Variants in CCDC150 observed in about 807,000 individuals in gnomAD.
The protein encoded by CCDC150 is coiled-coil domain containing 150.
Under a neutral mutation model 156.5 loss-of-function variants are expected in CCDC150, and 151 were observed. The ratio of observed to expected loss-of-function variants is 0.97; its 90% CI spans 0.85 to 1.10. CCDC150 has a LOEUF of 1.10. CCDC150 is among the 50% of genes least tolerant of loss of function. The probability of loss-of-function intolerance (pLI) is 0.00; values close to 1 mark genes in which losing one functional copy is unlikely to be tolerated. For missense variants in CCDC150, 1,312 were observed against 1,268.1 expected (o/e 1.03, Z -0.53); for synonymous variants, 452 against 429.4 (o/e 1.05, Z -0.65).
At chr2:196,646,231 A>G (rs2125567359) in intron 1 of CCDC150, 110 bp from the exon 2 acceptor site, 1 of 973,066 alleles carries the variant, frequency 1.0e-6, no homozygotes, top group East Asian at 2.4e-5. Context: ...ACACATCACC[A>G]TTCCTGAGTT....
rs778661067 is a variant in CCDC150, at chr2:196,719,597, G to T, written c.2096G>T (p.Gly699Val). 1 of 1,613,490 alleles carries T rather than the reference G, an allele frequency of 6.2e-7. No homozygotes were observed. ...NVLASHSKMQGALEKVQIELG... is the reference protein window; with the variant it reads ...NVLASHSKMQVALEKVQIELG... ...CTGGCTTCTCACAGTAAGATGCAAG[G>T]TGCTCTGGAGAAAGTACAAATAGAG... Residue 699 changes from glycine to valine, a missense_variant, in exon 19 of 28, where the codon GGT becomes GTT. Gly to Val is a moderately radical substitution (Grantham distance 109). Transcript: ENST00000389175.
chr2:196,688,784 A>G (rs1433629324), intron 13 of CCDC150, among the ~76,000 whole-genome samples: 1 of 151,378 alleles, frequency 6.6e-6, no homozygotes, highest in Non-Finnish European at 1.5e-5. Flanking sequence ...TTTTGTTGCC[A>G]TTGCTTTTGG....
chr2:196,670,936 A>G (rs988141371), intron 8 of CCDC150, among the ~76,000 whole-genome samples: 2 of 152,160 alleles, frequency 1.3e-5, no homozygotes, highest in South Asian at 4.1e-4. Context: ...TTCTGCCCCT[A>G]TTCATGCATA....
intron 12 of CCDC150, 150 bp from the exon 13 acceptor site, chr2:196,677,141 CAG>C: frequency 1.4e-6 from 1 of 715,202 alleles, no homozygotes; most frequent in South Asian, 1.5e-5. Flanking sequence ...TGCTCTGCCT[CAG>C]AGACTCCCTG....
chr2:196,721,504 C>CA lies in CCDC150; in HGVS notation c.2260-17dup, dbSNP rs1247583543. On this transcript the variant is annotated splice_polypyrimidine_tract_variant and intron_variant, in intron 20 of 27. Coordinates refer to ENST00000389175, the MANE Select transcript of CCDC150 (RefSeq NM_001080539.2). ...CTGTCCATTACAGTGGAATTGAAAA[C>CA]ATGCTTCTCTCTTTCAGATTGAATC... 5.7e-6 allele frequency: 9 copies of CA among 1,579,772 alleles called. No homozygotes were observed. The South Asian group carries it at 1.1e-4, about 19-fold the overall frequency.
At chr2:196,689,664 CT>C (rs1465510510) in intron 13 of CCDC150, among the ~76,000 whole-genome samples, 1 of 151,540 alleles carries the variant, frequency 6.6e-6, no homozygotes, top group Non-Finnish European at 1.5e-5. Context: ...ACGGGGTTTT[CT>C]AGATATACAA....
At chr2:196,695,245 T>C in intron 14 of CCDC150, 86 bp downstream of exon 14, 1 of 638,652 alleles carries the variant, frequency 1.6e-6, no homozygotes, top group East Asian at 2.8e-5. Flanking sequence ...AGATGGGTTT[T>C]CTTTGTGTTT....
chr2:196,666,583 T>C, intron 6 of CCDC150, 136 bp from the exon 7 acceptor site: 1 of 747,290 alleles, frequency 1.3e-6, no homozygotes, highest in Non-Finnish European at 2.2e-6. Context: ...GTTGAGATTT[T>C]AACTGTAACA....
chr2:196,670,534 C>G (rs1694137330), intron 8 of CCDC150, among the ~76,000 whole-genome samples: 1 of 151,422 alleles, frequency 6.6e-6, no homozygotes, highest in Admixed American at 6.6e-5. Context: ...CTTCTCTCAT[C>G]TCAAAGAAAA....
chr2:196,713,066 T>C (rs1354360035), intron 17 of CCDC150: 3 of 484,200 alleles, frequency 6.2e-6, no homozygotes, highest in Non-Finnish European at 1.1e-5. Flanking sequence ...GGAATACTCA[T>C]AGAGTTCTAA....
chr2:196,644,702 C>T (rs756577326), intron 1 of CCDC150, among the ~76,000 whole-genome samples: 3 of 152,094 alleles, frequency 2.0e-5, no homozygotes, highest in Non-Finnish European at 2.9e-5. Context: ...CTTCTTTCAC[C>T]CCATGTCCTT....
At chr2:196,694,964 T>C in intron 13 of CCDC150, 82 bp from the exon 14 acceptor site, 1 of 715,846 alleles carries the variant, frequency 1.4e-6, no homozygotes, top group African/African-American at 1.8e-5. Context: ...CATTTTACAG[T>C]TGTAATTGTC....
intron 14 of CCDC150, among the ~76,000 whole-genome samples, chr2:196,699,463 A>G (rs1696052705): frequency 6.6e-6 from 1 of 151,598 alleles, no homozygotes; most frequent in African/African-American, 2.4e-5. Context: ...AACGTCAAAA[A>G]TGAAAATTCT....
chr2:196,702,268 A>G (rs556021885), intron 15 of CCDC150, among the ~76,000 whole-genome samples: 1 of 151,834 alleles, frequency 6.6e-6, no homozygotes, highest in South Asian at 2.1e-4. Flanking sequence ...ATGAAGGGGG[A>G]AAATTCCCAT....
intron 5 of CCDC150, among the ~76,000 whole-genome samples, chr2:196,662,900 G>T (rs1693636021): frequency 6.6e-6 from 1 of 151,968 alleles, no homozygotes; most frequent in Admixed American, 6.5e-5. Context: ...CTGCACTCCA[G>T]CCTGGGCCAC....
intron 21 of CCDC150, among the ~76,000 whole-genome samples, chr2:196,723,564 A>G (rs1471364966): frequency 6.6e-6 from 1 of 152,194 alleles, no homozygotes; most frequent in Non-Finnish European, 1.5e-5. Flanking sequence ...GGAAAAGTAT[A>G]GAGAGAGAAC....
Position 196,644,490 on chromosome 2 carries a change from C to T in CCDC150, c.13-1851C>T, listed in dbSNP as rs116739062. Among the ~76,000 whole-genome samples, 948 of 152,118 alleles carry T rather than the reference C, an allele frequency of 6.2e-3. 5 individuals are homozygous for T. The highest frequency in any genetic ancestry group is 0.022 in the African/African-American group (894 of 41,492). On this transcript the variant is annotated intron_variant, in intron 1 of 27. Coordinates refer to ENST00000389175, the MANE Select transcript of CCDC150 (RefSeq NM_001080539.2). ...CGACGGGCTTACTCAGAGGCTCTTT[C>T]GTTTACTACTTGAGGAATACTATAC... is the stretch of plus-strand genomic sequence containing the variant.
chr2:196,732,314 C>T, intron 27 of CCDC150, 132 bp from the exon 28 acceptor site: 12 of 1,140,660 alleles, frequency 1.1e-5, no homozygotes, highest in Non-Finnish European at 1.5e-5. Context: ...TACAAAGTTC[C>T]ACCTGTCACA....
rs1366654571 is a variant in CCDC150, at chr2:196,721,509, T to G, written c.2260-13T>G. Reference sequence around the variant, plus strand: ...CATTACAGTGGAATTGAAAACATGCTTCTCTCTTTCAGATTGAATCTCTAC... The same window carrying G: ...CATTACAGTGGAATTGAAAACATGCGTCTCTCTTTCAGATTGAATCTCTAC... On this transcript the variant is annotated splice_polypyrimidine_tract_variant and intron_variant, in intron 20 of 27. Transcript: ENST00000389175. The G allele has an allele frequency of 6.3e-7, 1 of 1,585,718 alleles. No individual in the cohort carries two copies. The highest frequency in any genetic ancestry group is 2.3e-5 in the East Asian group (1 of 44,376).
Sources: gnomAD v4.1 joint callset for allele counts (sites outside exome capture counted in the v4.1 genomes callset) on GRCh38, gnomAD v4.1.1 for gene constraint, MANE v1.5 for transcripts, NCBI Gene and HGNC (gene_info 2026-07-23, HGNC 2026-07-21) for gene names.